Variants in PRKAB2 observed in about 807,000 individuals in gnomAD.
The protein encoded by PRKAB2 is protein kinase AMP-activated non-catalytic subunit beta 2.
A neutral mutation model predicts 29.8 loss-of-function variants in PRKAB2; 18 were observed. That is an observed-to-expected ratio of 0.60 (90% CI 0.42 to 0.89). PRKAB2 has a LOEUF of 0.89. Among genes scored for constraint, PRKAB2 ranks in the 40% least tolerant of loss-of-function variants. The probability of loss-of-function intolerance (pLI) is 0.00; values close to 1 mark genes in which losing one functional copy is unlikely to be tolerated. For missense variants in PRKAB2, 270 were observed against 344.3 expected (o/e 0.78, Z 1.71); for synonymous variants, 136 against 125.9 (o/e 1.08, Z -0.54).
At position 147,167,882 on chromosome 1, in the gene PRKAB2, C is replaced by G; in HGVS notation, c.208G>C (p.Val70Leu). ...GGCCGGGCCTGCTGTGTGGGCTTTA[C>G]GGAGTCCTCCAAATCCTGCTGCCAT... ...VSWQQDLEDS[V>L]KPTQQARPTV... Residue 70 changes from valine (V) to leucine (L), a missense_variant, in exon 3 of 8, where the codon GTA becomes CTA. Around this residue, in one of 2 missense-constraint regions of PRKAB2, gnomAD observed 228 missense variants for 255.5 expected, o/e 0.89. Transcript: ENST00000254101. 1 of 1,614,100 alleles carries G rather than the reference C, an allele frequency of 6.2e-7. No homozygotes were observed. Among genetic ancestry groups the G allele is most frequent in the Non-Finnish European group, 8.5e-7 (1 of 1,179,998 alleles).
In PRKAB2 at chr1:147,168,898, G is replaced by C. The variant is rs145387594; in HGVS notation, c.157-965C>G. On this transcript the variant is annotated intron_variant, in intron 2 of 7. Transcript: ENST00000254101. ...AGCTCACTGCAGCCTCGAACTCCTG[G>C]GCTCAAGCCATCTTCCCACCTCAGC... Among the ~76,000 whole-genome samples the C allele has an allele frequency of 5.1e-3, 779 of 152,260 alleles. 5 individuals carry two copies. Among genetic ancestry groups the C allele is most frequent in the African/African-American group, 0.017 (690 of 41,542 alleles).
At position 147,161,424 on chromosome 1, in the gene PRKAB2, T is replaced by C. The variant is rs185954473; in HGVS notation, c.741+288A>G. Among the ~76,000 whole-genome samples, 340 of 152,212 alleles carry C rather than the reference T, an allele frequency of 2.2e-3. 6 individuals carry two copies. The highest frequency in any genetic ancestry group is 2.6e-4 in the Non-Finnish European group (18 of 67,998). On this transcript the variant is annotated intron_variant, in intron 7 of 7. Coordinates refer to ENST00000254101, the MANE Select transcript of PRKAB2 (RefSeq NM_005399.5). ...TTTCTGCAGAAGAAATCCTATGCTATGAACACAAACTTAAGTAAACAGTTA... is the reference window on the plus strand; with the variant it reads ...TTTCTGCAGAAGAAATCCTATGCTACGAACACAAACTTAAGTAAACAGTTA...
intron 5 of PRKAB2, 130 bp from the exon 6 acceptor site, chr1:147,162,703 G>A (rs1654030489): frequency 3.1e-6 from 3 of 969,426 alleles, no homozygotes; most frequent in Non-Finnish European, 4.4e-6. Context: ...GTGACCTGTG[G>A]GATCTACAGC....
Position 147,155,235 on chromosome 1 carries a change from A to T in PRKAB2, c.*4330T>A, listed in dbSNP as rs2101606272. 6.6e-6 allele frequency: 1 copy of T among 151,756 alleles called. No individual in the cohort carries two copies. Among genetic ancestry groups the T allele is most frequent in the Admixed American group, 6.6e-5 (1 of 15,252 alleles). 9.4% of individuals were successfully genotyped at this position (151,756 alleles called of 1,614,324 possible). A position where few individuals can be genotyped will look rare whatever the true frequency, so the allele number is the denominator to read the frequency against. ...AATTACGTTTGAAGAACAGCTTTAA[A>T]ATCCACTCTTGTCTGCCACTCCTTT... On this transcript the variant is annotated 3_prime_UTR_variant, in exon 8 of 8. Transcript: ENST00000254101.
At chr1:147,172,337 G>C in intron 1 of PRKAB2, 92 bp downstream of exon 1, 1 of 746,178 alleles carries the variant, frequency 1.3e-6, no homozygotes, top group Non-Finnish European at 2.1e-6. Flanking sequence ...AAATACCCCG[G>C]TGCCCTCACT....
intron 5 of PRKAB2, 101 bp downstream of exon 5, chr1:147,166,397 T>G: frequency 1.6e-6 from 2 of 1,225,970 alleles, no homozygotes; most frequent in Non-Finnish European, 2.2e-6. Flanking sequence ...CCCAACCCCC[T>G]GCTCTCTCTC....
rs1653706084 is a variant in PRKAB2, at chr1:147,156,992, AGGTC to A, written c.*2569_*2572del. The A allele has an allele frequency of 6.6e-6, 1 of 152,106 alleles. No homozygotes were observed. The highest frequency in any genetic ancestry group is 1.5e-5 in the Non-Finnish European group (1 of 68,012). The allele number at this position is 152,106 out of a possible 1,614,324, so 9.4% of individuals were successfully genotyped here. On this transcript the variant is annotated 3_prime_UTR_variant, in exon 8 of 8. Coordinates refer to ENST00000254101, the MANE Select transcript of PRKAB2 (RefSeq NM_005399.5). ...CCGAAACTATGTTGAAGTTCTTTAA[AGGTC>A]GGCCCTCCTGAAGAACTATTTTCTT...
At chr1:147,166,994 C>A in intron 3 of PRKAB2, 55 bp from the exon 4 acceptor site, 1 of 1,420,884 alleles carries the variant, frequency 7.0e-7, no homozygotes, top group South Asian at 1.2e-5. Context: ...AAGACTGAAT[C>A]TAAAAAACAA....
In PRKAB2 at chr1:147,157,348, C is replaced by T. The variant is rs1553912551; in HGVS notation, c.*2217G>A. ...TACCAGCTGGTAGGCTCCCATTTCACATCTGGGCTGAGAGTTACCTCAGAA... is the reference window on the plus strand; with the variant it reads ...TACCAGCTGGTAGGCTCCCATTTCATATCTGGGCTGAGAGTTACCTCAGAA... On this transcript the variant is annotated 3_prime_UTR_variant, in exon 8 of 8. Transcript: ENST00000254101. 6.6e-6 allele frequency: 1 copy of T among 152,134 alleles called. No homozygotes were observed. Among genetic ancestry groups the T allele is most frequent in the Admixed American group, 6.6e-5 (1 of 15,264 alleles). The allele number at this position is 152,134 out of a possible 1,614,324, so 9.4% of individuals were successfully genotyped here.
chr1:147,168,634 A>C (rs1270831032), intron 2 of PRKAB2, among the ~76,000 whole-genome samples: 5 of 152,234 alleles, frequency 3.3e-5, no homozygotes, highest in African/African-American at 1.2e-4. Flanking sequence ...TTCCTTTATC[A>C]AAAGTAGCTC....
intron 2 of PRKAB2, among the ~76,000 whole-genome samples, chr1:147,169,034 G>C (rs1654388144): frequency 6.6e-6 from 1 of 152,196 alleles, no homozygotes; most frequent in African/African-American, 2.4e-5. Context: ...CTATAACAGA[G>C]ACTGTATGGT....
chr1:147,161,894 GCTAT>G (rs782486810), intron 6 of PRKAB2, 114 bp from the exon 7 acceptor site: 20 of 786,100 alleles, frequency 2.5e-5, no homozygotes, highest in Admixed American at 1.7e-4. Context: ...ACTAGAATGC[GCTAT>G]CTCTTTTCAA....
At chr1:147,169,910 C>A (rs975773055) in intron 2 of PRKAB2, among the ~76,000 whole-genome samples, 6 of 152,176 alleles carry the variant, frequency 3.9e-5, no homozygotes, top group Admixed American at 3.9e-4. Flanking sequence ...AGTAGGCCCC[C>A]CTGCCACTGT....
In PRKAB2 at chr1:147,161,775, G is replaced by A. The variant is rs147538143; in HGVS notation, c.678C>T (p.Asp226=). 25 of 1,608,132 alleles carry A rather than the reference G, an allele frequency of 1.6e-5. No homozygotes were observed. In the East Asian group the frequency reaches 4.2e-4, roughly 27 times the overall value. The change falls in exon 7 of 8, where the codon GAC becomes GAT. Residue 226 remains aspartate, a synonymous_variant. Coordinates refer to ENST00000254101, the MANE Select transcript of PRKAB2 (RefSeq NM_005399.5). ...GGTTGGGCTCAGGGAGTAAGGCTGG[G>A]TCACACTAAGAGAAAGAGAAAAAAA... The part of the protein sequence containing the change: ...ILNKDTNISC[D]PALLPEPNHV...
intron 5 of PRKAB2, among the ~76,000 whole-genome samples, chr1:147,164,752 A>C (rs1654152679): frequency 2.0e-5 from 3 of 152,230 alleles, no homozygotes; most frequent in African/African-American, 7.2e-5. Context: ...CCTAGTAAAA[A>C]ATGGATTATA....
In PRKAB2 at chr1:147,159,612, G is replaced by A. The variant is rs1394360718; in HGVS notation, c.772C>T (p.Arg258Cys). 2.5e-6 allele frequency: 4 copies of A among 1,613,470 alleles called. No homozygotes were observed. The highest frequency in any genetic ancestry group is 1.7e-5 in the Admixed American group (1 of 59,896). ...DSVMVLSATH[R>C]YKKKYVTTLL... is the part of the protein sequence containing the mutation. ...GTAGTAACATACTTCTTCTTGTAGC[G>A]ATGGGTTGCGCTAAGGACCATCACA... The change falls in exon 8 of 8, where the codon CGC becomes TGC. Residue 258 changes from arginine (R) to cysteine (C), a missense_variant. By Grantham distance (180) the Arg-to-Cys change is radical. Around this residue, in one of 2 missense-constraint regions of PRKAB2, gnomAD observed 42 missense variants for 88.8 expected, o/e 0.47. Transcript: ENST00000254101.
At position 147,155,705 on chromosome 1, in the gene PRKAB2, T is replaced by A. The variant is rs1653637044; in HGVS notation, c.*3860A>T. ...AAAGTGCTGTGCTACATACAATCAA[T>A]TCAAGTTAACTCCAACTAATATTGG... On this transcript the variant is annotated 3_prime_UTR_variant, in exon 8 of 8. Coordinates refer to ENST00000254101, the MANE Select transcript of PRKAB2 (RefSeq NM_005399.5). 1 of 152,556 alleles carries A rather than the reference T, an allele frequency of 6.6e-6. No individual in the cohort carries two copies. Among genetic ancestry groups the A allele is most frequent in the Non-Finnish European group, 1.5e-5 (1 of 68,020 alleles). 9.5% of individuals were successfully genotyped at this position (152,556 alleles called of 1,614,324 possible). A position where few individuals can be genotyped will look rare whatever the true frequency, so the allele number is the denominator to read the frequency against.
Position 147,155,472 on chromosome 1 carries a change from C to G in PRKAB2, c.*4093G>C, listed in dbSNP as rs1175606225. On this transcript the variant is annotated 3_prime_UTR_variant, in exon 8 of 8. Coordinates refer to ENST00000254101, the MANE Select transcript of PRKAB2 (RefSeq NM_005399.5). Reference sequence around the variant, plus strand: ...TCAAACAAGTCTCATTTATGAGACCCGTGTAGTGATTAGGACTAACCAACA... The same window carrying G: ...TCAAACAAGTCTCATTTATGAGACCGGTGTAGTGATTAGGACTAACCAACA... 6.6e-6 allele frequency: 1 copy of G among 152,488 alleles called. No individual in the cohort carries two copies. The highest frequency in any genetic ancestry group is 2.1e-4 in the South Asian group (1 of 4,824). 9.4% of individuals were successfully genotyped at this position (152,488 alleles called of 1,614,324 possible). A position where few individuals can be genotyped will look rare whatever the true frequency, so the allele number is the denominator to read the frequency against.
intron 6 of PRKAB2, 51 bp downstream of exon 6, chr1:147,162,389 C>A: frequency 6.5e-7 from 1 of 1,539,396 alleles, no homozygotes; most frequent in South Asian, 1.2e-5. Flanking sequence ...AACTTTGGTC[C>A]AAATGGTCCT....
Sources: allele counts gnomAD v4.1 joint callset (sites outside exome capture counted in the v4.1 genomes callset), GRCh38; gene constraint gnomAD v4.1.1; regional missense constraint gnomAD v4.1.1; transcripts MANE v1.5; gene names NCBI Gene and HGNC (gene_info 2026-07-23, HGNC 2026-07-21).